MBTD1: variants seen among roughly 807,000 people sequenced by gnomAD.
MBTD1 encodes the protein mbt domain containing 1.
MBTD1 carries 24 observed loss-of-function variants against 87.8 expected under a neutral mutation model. The ratio of observed to expected loss-of-function variants is 0.27; its 90% CI spans 0.20 to 0.38. The LOEUF is 0.38. Ranked by LOEUF, MBTD1 falls within the 10% of genes least tolerant of loss-of-function variation. The pLI is 1.00. For synonymous variants in MBTD1, 237 were observed against 248.6 expected (o/e 0.95, Z 0.44); for missense variants, 436 against 760.2 (o/e 0.57, Z 5.02).
Position 51,225,129 on chromosome 17 carries a change from G to A in MBTD1, c.33C>T (p.Asp11=). 1 of 1,551,002 alleles carries A rather than the reference G, an allele frequency of 6.4e-7. No individual in the cohort carries two copies. Among genetic ancestry groups the A allele is most frequent in the Non-Finnish European group, 8.7e-7 (1 of 1,146,522 alleles). The change falls in exon 3 of 17, where the codon GAC becomes GAT. Residue 11 remains aspartate (D), a synonymous_variant. Transcript: ENST00000586178. ...CTTCGGAGCTGGAGCTGCTGCTTGT[G>A]TCCTCACTGCAGCTATCATAACCGT... MFDGYDSCSE[D]TSSSSSSEES...
At chr17:51,205,397 A>G (rs1363040934) in intron 7 of MBTD1, among the ~76,000 whole-genome samples, 1 of 152,240 alleles carries the variant, frequency 6.6e-6, no homozygotes, top group Non-Finnish European at 1.5e-5. Flanking sequence ...TTTGGATAGT[A>G]AATGCACTGA....
chr17:51,187,130 C>CA (rs1422595851), intron 16 of MBTD1, among the ~76,000 whole-genome samples: 1 of 151,870 alleles, frequency 6.6e-6, no homozygotes, highest in African/African-American at 2.4e-5. Context: ...TATTCTGAAA[C>CA]AAATTTATCA....
chr17:51,210,413 G>A (rs2052112481), intron 6 of MBTD1, among the ~76,000 whole-genome samples: 1 of 152,088 alleles, frequency 6.6e-6, no homozygotes, highest in African/African-American at 2.4e-5. Flanking sequence ...TAAGATTAAG[G>A]CTGAGATAAT....
At chr17:51,197,085 T>C (rs1321932710) in intron 12 of MBTD1, among the ~76,000 whole-genome samples, 1 of 14,256 alleles carries the variant, frequency 7.0e-5, no homozygotes, top group South Asian at 1.6e-3. Flanking sequence ...TATATATATA[T>C]ATATATATAT....
chr17:51,178,181 C>T lies in MBTD1; in HGVS notation c.*2395G>A, dbSNP rs527933537. 1.3e-5 allele frequency: 2 copies of T among 152,326 alleles called. No homozygotes were observed. Among genetic ancestry groups the T allele is most frequent in the Non-Finnish European group, 2.9e-5 (2 of 68,036 alleles). 9.4% of individuals were successfully genotyped at this position (152,326 alleles called of 1,614,324 possible). A position where few individuals can be genotyped will look rare whatever the true frequency, so the allele number is the denominator to read the frequency against. On this transcript the variant is annotated 3_prime_UTR_variant, in exon 17 of 17. Coordinates refer to ENST00000586178, the MANE Select transcript of MBTD1 (RefSeq NM_017643.3). ...AGAATGGGGCGATTGAGTTGTACAA[C>T]TGGAGTTATGGCTAAGACATAAATC...
intron 2 of MBTD1, among the ~76,000 whole-genome samples, chr17:51,228,216 T>C (rs544199378): frequency 5.3e-5 from 8 of 152,004 alleles, no homozygotes; most frequent in Non-Finnish European, 1.0e-4. Context: ...CTGGGGCCTA[T>C]TGGAGGGTAG....
At chr17:51,185,947 G>C (rs939615509) in intron 16 of MBTD1, 3 of 152,656 alleles carry the variant, frequency 2.0e-5, no homozygotes, top group African/African-American at 4.8e-5. Context: ...TGTCATGCCA[G>C]ACCATGCTTT....
At chr17:51,240,963 C>G (rs1367637331) in intron 2 of MBTD1, among the ~76,000 whole-genome samples, 1 of 151,980 alleles carries the variant, frequency 6.6e-6, no homozygotes, top group Non-Finnish European at 1.5e-5. Context: ...TCCATCCACC[C>G]CTTATTGGTG....
chr17:51,236,286 C>A (rs778012386), intron 2 of MBTD1, among the ~76,000 whole-genome samples: 11 of 152,236 alleles, frequency 7.2e-5, no homozygotes, highest in South Asian at 4.1e-4. Context: ...CACCCTGTTG[C>A]CCAGGCTGGA....
intron 13 of MBTD1, among the ~76,000 whole-genome samples, chr17:51,194,157 T>C (rs999823043): frequency 6.6e-6 from 1 of 152,252 alleles, no homozygotes; most frequent in African/African-American, 2.4e-5. Flanking sequence ...GAGCAAATAC[T>C]ATTTTTTATA....
upstream of MBTD1, chr17:51,260,838 C>G (rs746546839): frequency 6.3e-7 from 1 of 1,598,708 alleles, no homozygotes; most frequent in Admixed American, 1.7e-5. Flanking sequence ...GAGGACAAAC[C>G]GGCCGTGGAG....
intron 2 of MBTD1, among the ~76,000 whole-genome samples, chr17:51,247,732 G>T (rs1033866715): frequency 1.3e-5 from 2 of 152,158 alleles, no homozygotes; most frequent in Non-Finnish European, 1.5e-5. Context: ...TTACAGGCGT[G>T]AGCCACTGCA....
chr17:51,208,907 G>C (rs887872451), intron 6 of MBTD1, among the ~76,000 whole-genome samples: 4 of 152,228 alleles, frequency 2.6e-5, no homozygotes, highest in African/African-American at 9.6e-5. Context: ...GGAGGATACT[G>C]TGTTTTGGTC....
intron 13 of MBTD1, among the ~76,000 whole-genome samples, 197 bp downstream of exon 13, chr17:51,195,017 A>G (rs930772478): frequency 2.0e-5 from 3 of 152,164 alleles, no homozygotes; most frequent in African/African-American, 7.2e-5. Flanking sequence ...ATTCTATACT[A>G]CTGTAATTTA....
chr17:51,248,027 T>G (rs1416919214), intron 2 of MBTD1, among the ~76,000 whole-genome samples: 1 of 152,238 alleles, frequency 6.6e-6, no homozygotes, highest in Admixed American at 6.5e-5. Flanking sequence ...GCAAAATAGT[T>G]CTGTATTAAA....
chr17:51,225,477 G>T (rs1881331739), intron 2 of MBTD1, among the ~76,000 whole-genome samples: 1 of 151,370 alleles, frequency 6.6e-6, no homozygotes, highest in African/African-American at 2.4e-5. Flanking sequence ...TTGGCCTCCT[G>T]AGTAGCTGGG....
In MBTD1 at chr17:51,217,428, CA is replaced by C; in HGVS notation, c.404-13del. 7.5e-7 allele frequency: 1 copy of C among 1,325,258 alleles called. No individual in the cohort carries two copies. The highest frequency in any genetic ancestry group is 1.8e-4 in the Middle Eastern group (1 of 5,536). 82.1% of individuals were successfully genotyped at this position (1,325,258 alleles called of 1,614,324 possible). ...TTCCATGGAGACTGCTAAAATGAAA[CA>C]AATTTAGATGTATTATAATTCTCAA... On this transcript the variant is annotated splice_polypyrimidine_tract_variant and intron_variant, in intron 5 of 16. Coordinates refer to ENST00000586178, the MANE Select transcript of MBTD1 (RefSeq NM_017643.3).
intron 10 of MBTD1, among the ~76,000 whole-genome samples, chr17:51,202,338 G>A (rs914492947): frequency 2.0e-5 from 3 of 152,100 alleles, no homozygotes; most frequent in Non-Finnish European, 4.4e-5. Context: ...TACAACTTTA[G>A]AAGCATGTTT....
At chr17:51,187,746 G>A (rs1054690391) in intron 16 of MBTD1, among the ~76,000 whole-genome samples, 1 of 151,956 alleles carries the variant, frequency 6.6e-6, no homozygotes, top group Non-Finnish European at 1.5e-5. Flanking sequence ...CTACTTGGGA[G>A]GCTGAAGCAG....
Sources: gnomAD v4.1 joint callset for allele counts (sites outside exome capture counted in the v4.1 genomes callset) on GRCh38, gnomAD v4.1.1 for gene constraint, MANE v1.5 for transcripts, NCBI Gene and HGNC (gene_info 2026-07-23, HGNC 2026-07-21) for gene names.